The following TMT1A variants were observed in gnomAD, a reference collection of about 807,000 sequenced individuals.
TMT1A encodes thiol S-methyltransferase TMT1A.
the TMT1A span, among the ~76,000 whole-genome samples, chr12:50,926,258 G>C: frequency 4.3e-4 from 65 of 152,068 alleles, no homozygotes; most frequent in African/African-American, 1.5e-3. Context: ...CCAATTATAG[G>C]ACAAAAGTGC....
chr12:50,929,898 TTTC>T, the TMT1A span: 9 of 1,552,028 alleles, frequency 5.8e-6, no homozygotes, highest in African/African-American at 1.4e-5. Context: ...TGTTTTTTTT[TTTC>T]TTTCTTTCTC....
the TMT1A span, chr12:50,932,227 A>G: frequency 6.6e-6 from 1 of 152,224 alleles, no homozygotes; most frequent in East Asian, 1.9e-4. Context: ...ACATCAAGCA[A>G]TCTGTGAGTC....
chr12:50,930,235 A>C, the TMT1A span: 1 of 1,143,640 alleles, frequency 8.7e-7, no homozygotes. Context: ...GAGAAGAGAA[A>C]CCTTTTTTTT....
chr12:50,929,888 T>C, the TMT1A span: 3 of 1,508,566 alleles, frequency 2.0e-6, no homozygotes, highest in African/African-American at 2.8e-5. Flanking sequence ...ATCCTTGAAA[T>C]GTTTTTTTTT....
chr12:50,926,565 C>T, the TMT1A span, among the ~76,000 whole-genome samples: 5 of 152,154 alleles, frequency 3.3e-5, no homozygotes, highest in African/African-American at 1.2e-4. Flanking sequence ...AGTGAGTTGT[C>T]ATATTGTATA....
chr12:50,932,094 G>A, the TMT1A span: 45 of 152,202 alleles, frequency 3.0e-4, no homozygotes, highest in African/African-American at 1.1e-3. Flanking sequence ...ATTTGAGGTG[G>A]TTAAGGTTCT....
chr12:50,926,781 G>A, the TMT1A span, among the ~76,000 whole-genome samples: 1,324 of 152,308 alleles, frequency 8.7e-3, 21 homozygotes, highest in African/African-American at 0.03. Context: ...TGACAGACAA[G>A]TAACTATTAA....
chr12:50,931,945 A>ATCTT, the TMT1A span: 2 of 152,320 alleles, frequency 1.3e-5, no homozygotes, highest in Non-Finnish European at 2.9e-5. Flanking sequence ...CAGAATTAAC[A>ATCTT]TACAAGGTTG....
At chr12:50,925,268 T>G in the TMT1A span, 1 of 1,614,194 alleles carries the variant, frequency 6.2e-7, no homozygotes, top group South Asian at 1.1e-5. Flanking sequence ...CTGCTGGAAG[T>G]GGGCTGTGGC....
chr12:50,925,163 G>A, the TMT1A span: 6 of 1,614,170 alleles, frequency 3.7e-6, no homozygotes, highest in Non-Finnish European at 5.1e-6. Context: ...TTCTTGGTGA[G>A]GTTCACTGTG....
the TMT1A span, chr12:50,930,370 C>T: frequency 3.6e-5 from 14 of 386,552 alleles, no homozygotes; most frequent in African/African-American, 6.3e-5. Flanking sequence ...ACCTCCACCT[C>T]GCGGGTTTAA....
chr12:50,926,698 G>A, the TMT1A span, among the ~76,000 whole-genome samples: 67 of 152,324 alleles, frequency 4.4e-4, no homozygotes, highest in Non-Finnish European at 2.5e-4. Flanking sequence ...GTTAGGTAGA[G>A]CGTAGGCCCA....
chr12:50,928,820 C>T, the TMT1A span, among the ~76,000 whole-genome samples: 1 of 152,096 alleles, frequency 6.6e-6, no homozygotes, highest in African/African-American at 2.4e-5. Flanking sequence ...CATATCCAGC[C>T]GTCTACTCAA....
At chr12:50,925,386 C>T in the TMT1A span, 11 of 1,614,082 alleles carry the variant, frequency 6.8e-6, no homozygotes, top group Admixed American at 1.5e-4. Flanking sequence ...AGAACCGACA[C>T]CTGCAGTTTG....
At chr12:50,925,059 C>T in the TMT1A span, 1 of 1,614,080 alleles carries the variant, frequency 6.2e-7, no homozygotes, top group South Asian at 1.1e-5. Flanking sequence ...CCATCTTTAT[C>T]CTGAGACTGG....
the TMT1A span, chr12:50,925,204 C>A: frequency 6.2e-7 from 1 of 1,614,156 alleles, no homozygotes; most frequent in Non-Finnish European, 8.5e-7. Flanking sequence ...AAGCAAGAAG[C>A]GGGAGCTCTT....
the TMT1A span, chr12:50,931,086 A>G: frequency 1.5e-5 from 2 of 135,320 alleles, no homozygotes. Context: ...ATTTTTTCCA[A>G]TTGCTTTTTT....
the TMT1A span, among the ~76,000 whole-genome samples, chr12:50,927,200 G>C: frequency 6.6e-6 from 1 of 152,064 alleles, no homozygotes; most frequent in Non-Finnish European, 1.5e-5. Flanking sequence ...GCTAGTTTTT[G>C]TATTTTTGTA....
chr12:50,926,016 C>CAAAAAAAA, the TMT1A span, among the ~76,000 whole-genome samples: 124 of 25,792 alleles, frequency 4.8e-3, no homozygotes, highest in Middle Eastern at 0.024. Flanking sequence ...AACTCCATCT[C>CAAAAAAAA]AAAAAAAAAA....
Sources: gnomAD v4.1 joint callset for allele counts (sites outside exome capture counted in the v4.1 genomes callset) on GRCh38, gnomAD v4.1.1 for gene constraint, MANE v1.5 for transcripts, NCBI Gene and HGNC (gene_info 2026-07-23, HGNC 2026-07-21) for gene names.